The following NAALADL2 variants were observed in gnomAD, a reference collection of about 807,000 sequenced individuals.
NAALADL2 encodes the protein inactive N-acetylated-alpha-linked acidic dipeptidase-like protein 2.
NAALADL2 carries 76 observed loss-of-function variants against 87.2 expected under a neutral mutation model. That is an observed-to-expected ratio of 0.87 (90% CI 0.72 to 1.05). The LOEUF (loss-of-function observed/expected upper bound fraction) is 1.05. Ranked by LOEUF, NAALADL2 falls within the 50% of genes least tolerant of loss-of-function variation. The pLI is 0.00. For synonymous variants in NAALADL2, 354 were observed against 331.0 expected, an observed-to-expected ratio of 1.07 and a Z score of -0.75; for missense variants, 1,089 against 945.8, an observed-to-expected ratio of 1.15 and a Z score of -1.99.
chr3:175,390,280 T>G (rs1256810373), intron 5 of NAALADL2, among the ~76,000 whole-genome samples: 2 of 152,162 alleles, frequency 1.3e-5, no homozygotes, highest in Admixed American at 1.3e-4. Flanking sequence ...TGTTTTATAT[T>G]TGGCACATTA....
chr3:174,899,441 C>G (rs1253348293), intron 1 of NAALADL2, among the ~76,000 whole-genome samples: 1 of 152,126 alleles, frequency 6.6e-6, no homozygotes, highest in Non-Finnish European at 1.5e-5. Context: ...AAGTCCTCCC[C>G]TTGGTGGTGT....
chr3:175,755,263 C>A lies in NAALADL2; in HGVS notation c.2034C>A (p.Arg678=), dbSNP rs1747115865. The change falls in exon 13 of 14, where the codon CGC becomes CGA. Residue 678 remains arginine (R), a synonymous_variant. Transcript: ENST00000454872. ...ATCAACTGTTAGCCATGGCGTTACG[C>A]CTGCGGGAGAGTGCTGAACTTTTTC... The part of the protein sequence containing the change: ...NTHQLLAMAL[R]LRESAELFQS... The A allele has an allele frequency of 6.2e-7, 1 of 1,613,400 alleles. No individual in the cohort carries two copies. The highest frequency in any genetic ancestry group is 1.3e-5 in the African/African-American group (1 of 74,882).
intron 2 of NAALADL2, among the ~76,000 whole-genome samples, chr3:174,628,009 G>C (rs1721741125): frequency 6.6e-6 from 1 of 152,114 alleles, no homozygotes; most frequent in African/African-American, 2.4e-5. Flanking sequence ...TTCAGGTGAT[G>C]GATGCACTGA....
At chr3:175,320,513 A>T (rs1185860975) in intron 4 of NAALADL2, among the ~76,000 whole-genome samples, 1 of 152,172 alleles carries the variant, frequency 6.6e-6, no homozygotes, top group Non-Finnish European at 1.5e-5. Flanking sequence ...GACCAAGATG[A>T]CTAGTATACT....
Position 174,763,159 on chromosome 3 carries a change from A to G in NAALADL2, c.-9+25413A>G, listed in dbSNP as rs1309926131. Among the ~76,000 whole-genome samples the G allele has an allele frequency of 2.6e-5, 4 of 152,276 alleles. No individual in the cohort carries two copies. The East Asian group carries it at 7.7e-4, about 29-fold the overall frequency. On this transcript the variant is annotated intron_variant, in intron 3 of 3. Coordinates refer to the NAALADL2 transcript ENST00000434257. ...ATTTTACTAAAAAAAAAAGTTCTGT[A>G]TTAACCTGTAAATTTGACTATATCC...
chr3:175,114,739 T>G (rs1724808855), intron 2 of NAALADL2, among the ~76,000 whole-genome samples: 1 of 151,606 alleles, frequency 6.6e-6, no homozygotes, highest in Admixed American at 6.6e-5. Flanking sequence ...TAGAAAATCT[T>G]AGAGTGAAAA....
intron 4 of NAALADL2, among the ~76,000 whole-genome samples, chr3:175,300,798 T>A (rs2110217755): frequency 6.7e-6 from 1 of 149,394 alleles, no homozygotes; most frequent in African/African-American, 2.5e-5. Flanking sequence ...TTTTATTTTA[T>A]TTTATTTATT....
intron 6 of NAALADL2, among the ~76,000 whole-genome samples, chr3:175,452,391 T>C (rs1384232993): frequency 6.6e-6 from 1 of 152,154 alleles, no homozygotes; most frequent in Non-Finnish European, 1.5e-5. Context: ...CAAAACTAAG[T>C]ATTTTTTAGT....
chr3:175,084,883 TG>T (rs1223724017), intron 1 of NAALADL2, among the ~76,000 whole-genome samples: 2 of 152,150 alleles, frequency 1.3e-5, no homozygotes, highest in African/African-American at 4.8e-5. Flanking sequence ...AAAATGTGTT[TG>T]GGGGAACTAC....
At chr3:175,324,042 A>G in intron 4 of NAALADL2, 133 bp from the exon 5 acceptor site, 2 of 508,570 alleles carry the variant, frequency 3.9e-6, no homozygotes, top group Non-Finnish European at 6.4e-6. Context: ...AAAAAAAAAA[A>G]AGAAAAAGAA....
intron 2 of NAALADL2, among the ~76,000 whole-genome samples, chr3:175,100,639 A>G (rs1264273817): frequency 1.3e-5 from 2 of 152,066 alleles, no homozygotes; most frequent in African/African-American, 4.8e-5. Flanking sequence ...GGAGTTCAAG[A>G]CCAGCCTGGC....
chr3:174,820,580 G>C (rs978769966), intron 3 of NAALADL2, among the ~76,000 whole-genome samples: 2 of 152,024 alleles, frequency 1.3e-5, no homozygotes, highest in Admixed American at 6.6e-5. Flanking sequence ...TATGGCATTT[G>C]CAACAATGAG....
intron 1 of NAALADL2, among the ~76,000 whole-genome samples, chr3:174,496,510 TTATATATA>T (rs5854577): frequency 2.4e-4 from 35 of 145,720 alleles, no homozygotes; most frequent in South Asian, 2.3e-3. Flanking sequence ...TATTTATATA[TTATATATA>T]TATATATATA....
At chr3:174,594,672 A>G (rs1383593065) in intron 2 of NAALADL2, among the ~76,000 whole-genome samples, 1 of 152,206 alleles carries the variant, frequency 6.6e-6, no homozygotes, top group Non-Finnish European at 1.5e-5. Flanking sequence ...GGCTGCTAGT[A>G]AGAATCACAT....
At chr3:175,212,717 T>C (rs1285163149) in intron 2 of NAALADL2, among the ~76,000 whole-genome samples, 1 of 152,140 alleles carries the variant, frequency 6.6e-6, no homozygotes, top group Non-Finnish European at 1.5e-5. Flanking sequence ...ACTATGAGCA[T>C]AATTTTAAGT....
chr3:174,727,697 T>C (rs1732334913), intron 2 of NAALADL2, among the ~76,000 whole-genome samples: 1 of 152,146 alleles, frequency 6.6e-6, no homozygotes, highest in Non-Finnish European at 1.5e-5. Context: ...ATATTTGTTA[T>C]AGTTGATGAA....
At position 175,002,467 on chromosome 3, in the gene NAALADL2, G is replaced by A. The variant is rs886455889; in HGVS notation, c.44-94323G>A. Among the ~76,000 whole-genome samples the A allele has an allele frequency of 4.6e-5, 7 of 152,066 alleles. 1 individual carries two copies. Among genetic ancestry groups the A allele is most frequent in the Non-Finnish European group, 7.4e-5 (5 of 68,020 alleles). On this transcript the variant is annotated intron_variant, in intron 1 of 13. Transcript: ENST00000454872. The stretch of plus-strand genomic sequence containing the variant: ...CCTTAAAGCTAAAAATGAAGATCTC[G>A]ATCGTGTATTGAAAGAGCAAATCCA...
At chr3:175,087,310 G>A (rs974279758) in intron 1 of NAALADL2, among the ~76,000 whole-genome samples, 2 of 152,168 alleles carry the variant, frequency 1.3e-5, no homozygotes, top group South Asian at 2.1e-4. Flanking sequence ...CCTGGCAGCT[G>A]CCCCTTCCGG....
chr3:175,600,525 CTTTTTTTTTTTTTTTTTT>C (rs869212429), intron 10 of NAALADL2, among the ~76,000 whole-genome samples: 1 of 61,040 alleles, frequency 1.6e-5, no homozygotes, highest in Non-Finnish European at 2.9e-5. Context: ...GTGTCTTAGT[CTTTTTTTTTTTTTTTTTT>C]TTTTTTTTTT....
Sources: gnomAD v4.1 joint callset for allele counts (sites outside exome capture counted in the v4.1 genomes callset) on GRCh38, gnomAD v4.1.1 for gene constraint, MANE v1.5 for transcripts, NCBI Gene and HGNC (gene_info 2026-07-23, HGNC 2026-07-21) for gene names.